The following CSTF3 variants were observed in gnomAD, a reference collection of about 807,000 sequenced individuals.
The protein encoded by CSTF3 is cleavage stimulation factor subunit 3.
A neutral mutation model predicts 105.8 loss-of-function variants in CSTF3; 29 were observed. The observed-to-expected ratio is 0.27, with a 90% CI of 0.20 to 0.37. CSTF3 has a LOEUF of 0.37. CSTF3 is among the 10% of genes least tolerant of loss of function. The probability of loss-of-function intolerance (pLI) is 1.00; values close to 1 mark genes in which losing one functional copy is unlikely to be tolerated. For synonymous variants in CSTF3, 252 were observed against 281.9 expected (o/e 0.89, Z 1.06); for missense variants, 357 against 879.3 (o/e 0.41, Z 7.51).
chr11:33,158,916 GAGA>G (rs1018094118), intron 1 of CSTF3, among the ~76,000 whole-genome samples: 2 of 152,096 alleles, frequency 1.3e-5, no homozygotes, highest in Admixed American at 1.3e-4. Flanking sequence ...AGCCCCAGGG[GAGA>G]AGAATGGTGA....
intron 3 of CSTF3, among the ~76,000 whole-genome samples, chr11:33,136,950 A>C (rs956885798): frequency 4.6e-5 from 7 of 151,846 alleles, no homozygotes; most frequent in Admixed American, 3.9e-4. Context: ...TACCTCCCCC[A>C]AAAACTTCAA....
chr11:33,155,125 G>A (rs1339656672), intron 1 of CSTF3, among the ~76,000 whole-genome samples: 3 of 151,982 alleles, frequency 2.0e-5, no homozygotes, highest in Non-Finnish European at 2.9e-5. Flanking sequence ...GGAAGGCCAA[G>A]GCGGGCGGAT....
chr11:33,086,059 C>G, intron 18 of CSTF3, 70 bp from the exon 19 acceptor site: 1 of 965,384 alleles, frequency 1.0e-6, no homozygotes, highest in Middle Eastern at 2.3e-4. Context: ...AATCAAGTGA[C>G]TTGCACATAA....
intron 1 of CSTF3, among the ~76,000 whole-genome samples, chr11:33,157,090 C>T (rs1281682276): frequency 1.3e-5 from 2 of 151,806 alleles, no homozygotes; most frequent in Non-Finnish European, 2.9e-5. Flanking sequence ...CAGTGGCTCA[C>T]GCCTGTAATC....
intron 3 of CSTF3, among the ~76,000 whole-genome samples, chr11:33,110,698 C>G (rs988441173): frequency 5.3e-5 from 8 of 152,128 alleles, no homozygotes; most frequent in Admixed American, 5.2e-4. Flanking sequence ...AATGTGTAAA[C>G]TTCCAATGTG....
chr11:33,155,103 T>A (rs1849845334), intron 1 of CSTF3, among the ~76,000 whole-genome samples: 1 of 151,666 alleles, frequency 6.6e-6, no homozygotes, highest in Non-Finnish European at 1.5e-5. Context: ...ACACCTGTAA[T>A]CCCAGCGCTT....
At position 33,106,010 on chromosome 11, in the gene CSTF3, A is replaced by G; in HGVS notation, c.411T>C (p.Ile137=). Residue 137 remains isoleucine, a synonymous_variant, in exon 6 of 21, where the codon ATT becomes ATC. Coordinates refer to ENST00000323959, the MANE Select transcript of CSTF3 (RefSeq NM_001326.3). ...DFALDKIGME[I]MSYQIWVDYI... Reference sequence around the variant, plus strand: ...GTTTTAACTCTACCTGATAGGACATAATTTCCATTCCAATTTTATCCAGTG... The same window carrying G: ...GTTTTAACTCTACCTGATAGGACATGATTTCCATTCCAATTTTATCCAGTG... 1.2e-6 allele frequency: 2 copies of G among 1,611,496 alleles called. No individual in the cohort carries two copies. Among genetic ancestry groups the G allele is most frequent in the Non-Finnish European group, 1.7e-6 (2 of 1,177,840 alleles).
chr11:33,133,373 G>A (rs1855620646), intron 3 of CSTF3, among the ~76,000 whole-genome samples: 1 of 152,100 alleles, frequency 6.6e-6, no homozygotes, highest in African/African-American at 2.4e-5. Flanking sequence ...AATTATCAAA[G>A]GAATAATATT....
chr11:33,108,990 A>G (rs574464389), intron 3 of CSTF3, among the ~76,000 whole-genome samples: 79 of 152,352 alleles, frequency 5.2e-4, no homozygotes, highest in Non-Finnish European at 1.0e-3. Context: ...ATTATGGTTA[A>G]GTGCTAAAAT....
At chr11:33,139,915 T>C (rs568352354) in intron 3 of CSTF3, among the ~76,000 whole-genome samples, 2 of 152,122 alleles carry the variant, frequency 1.3e-5, no homozygotes, top group Admixed American at 1.3e-4. Context: ...AGGATGCAGT[T>C]TGTAACTTAC....
chr11:33,155,376 ATAAAAAAAT>A (rs2133810021), intron 1 of CSTF3, among the ~76,000 whole-genome samples: 1 of 98,600 alleles, frequency 1.0e-5, no homozygotes, highest in East Asian at 2.6e-4. Flanking sequence ...AAAAATAAAA[ATAAAAAAAT>A]TAAAAAAAAA....
intron 1 of CSTF3, among the ~76,000 whole-genome samples, chr11:33,154,357 T>A (rs1363092513): frequency 6.6e-6 from 1 of 152,204 alleles, no homozygotes; most frequent in African/African-American, 2.4e-5. Flanking sequence ...AACAAACCTG[T>A]CATTCCAAGT....
At chr11:33,141,557 G>T in intron 3 of CSTF3, 110 bp downstream of exon 3, 2 of 1,419,380 alleles carry the variant, frequency 1.4e-6, no homozygotes, top group South Asian at 3.5e-5. Context: ...ATAAAGGTAA[G>T]ACACATTTAA....
intron 1 of CSTF3, among the ~76,000 whole-genome samples, chr11:33,153,830 A>G (rs976053360): frequency 6.6e-6 from 1 of 152,116 alleles, no homozygotes; most frequent in Non-Finnish European, 1.5e-5. Context: ...AGTTAAAGTG[A>G]TAACACAAAA....
At chr11:33,152,204 G>A (rs534273915) in intron 1 of CSTF3, among the ~76,000 whole-genome samples, 1 of 152,288 alleles carries the variant, frequency 6.6e-6, no homozygotes, top group East Asian at 1.9e-4. Flanking sequence ...AGGTTCCACT[G>A]AGCCAAGATT....
At chr11:33,152,877 G>T (rs2133807806) in intron 1 of CSTF3, among the ~76,000 whole-genome samples, 1 of 152,056 alleles carries the variant, frequency 6.6e-6, no homozygotes, top group East Asian at 1.9e-4. Flanking sequence ...AGAATCGCTT[G>T]AACCCGGGAG....
At chr11:33,103,454 G>A (rs1374569937) in intron 8 of CSTF3, among the ~76,000 whole-genome samples, 1 of 152,016 alleles carries the variant, frequency 6.6e-6, no homozygotes, top group East Asian at 1.9e-4. Context: ...CATTTGAAAA[G>A]GCTCAATAAT....
At chr11:33,089,313 C>T (rs535497459) in intron 17 of CSTF3, among the ~76,000 whole-genome samples, 1 of 149,036 alleles carries the variant, frequency 6.7e-6, no homozygotes, top group Admixed American at 6.7e-5. Context: ...CACCATTGCA[C>T]TCCAGCCTGG....
chr11:33,142,051 C>A (rs1159885117), intron 1 of CSTF3, 65 bp from the exon 2 acceptor site: 1 of 1,600,546 alleles, frequency 6.2e-7, no homozygotes, highest in East Asian at 2.2e-5. Context: ...TAACTTAATT[C>A]ATGAACAATA....
Sources: gnomAD v4.1 joint callset for allele counts (sites outside exome capture counted in the v4.1 genomes callset) on GRCh38, gnomAD v4.1.1 for gene constraint, MANE v1.5 for transcripts, NCBI Gene and HGNC (gene_info 2026-07-23, HGNC 2026-07-21) for gene names.